Variants in TSHZ2 observed in about 807,000 individuals in gnomAD.
TSHZ2 encodes the protein teashirt zinc finger homeobox 2.
Under a neutral mutation model 74.4 loss-of-function variants are expected in TSHZ2, and 21 were observed. That is an observed-to-expected ratio of 0.28 (90% confidence interval 0.20 to 0.41). TSHZ2 has a LOEUF of 0.41. Ranked by LOEUF, TSHZ2 falls within the 10% of genes least tolerant of loss-of-function variation. The pLI, the probability that TSHZ2 is intolerant of heterozygous loss-of-function variation, is 1.00. For synonymous variants in TSHZ2, 540 were observed against 515.3 expected, an observed-to-expected ratio of 1.05 and a Z score of -0.65; for missense variants, 1,244 against 1,293.5, an observed-to-expected ratio of 0.96 and a Z score of 0.59.
intron 1 of TSHZ2, among the ~76,000 whole-genome samples, chr20:53,046,937 A>C (rs112034418): frequency 0.011 from 1,716 of 152,238 alleles, 40 homozygotes; most frequent in African/African-American, 0.039. Flanking sequence ...CTTATTAACC[A>C]TCCCTGTGTA....
At chr20:53,017,094 C>T (rs1983064063) in intron 1 of TSHZ2, among the ~76,000 whole-genome samples, 1 of 152,148 alleles carries the variant, frequency 6.6e-6, no homozygotes, top group Non-Finnish European at 1.5e-5. Flanking sequence ...TTCCTTTCCC[C>T]AACAATTGAC....
intron 2 of TSHZ2, among the ~76,000 whole-genome samples, chr20:53,363,229 T>C (rs1981133213): frequency 1.3e-5 from 2 of 152,230 alleles, no homozygotes. Context: ...TATCTTGCTA[T>C]ACCATCACCC....
intron 1 of TSHZ2, among the ~76,000 whole-genome samples, chr20:53,175,137 T>C (rs1415517511): frequency 4.6e-5 from 4 of 86,338 alleles, no homozygotes; most frequent in Admixed American, 2.1e-4. Context: ...CTTTCTTTTT[T>C]TTTTTTTTTT....
At chr20:53,428,018 C>T (rs1983717277) in intron 2 of TSHZ2, among the ~76,000 whole-genome samples, 1 of 152,190 alleles carries the variant, frequency 6.6e-6, no homozygotes. Context: ...ACACTCTGGA[C>T]TCTACTGATA....
chr20:53,118,880 G>A (rs1278698876), intron 1 of TSHZ2, among the ~76,000 whole-genome samples: 1 of 152,190 alleles, frequency 6.6e-6, no homozygotes, highest in African/African-American at 2.4e-5. Flanking sequence ...CATGATGCTG[G>A]CATCGGCTCA....
chr20:53,032,301 A>G (rs978439229), intron 1 of TSHZ2, among the ~76,000 whole-genome samples: 9 of 152,240 alleles, frequency 5.9e-5, no homozygotes, highest in Non-Finnish European at 8.8e-5. Flanking sequence ...ATTACGTTTG[A>G]ACTAATTTGA....
intron 1 of TSHZ2, among the ~76,000 whole-genome samples, chr20:53,250,473 T>G (rs1316667976): frequency 3.3e-5 from 5 of 152,158 alleles, no homozygotes. Context: ...AGATGTATAA[T>G]ATTGAAAGGT....
rs1986370529 is a variant in TSHZ2, at chr20:53,488,964, G to A, written c.*1829G>A. On this transcript the variant is annotated 3_prime_UTR_variant, in exon 3 of 3. Coordinates refer to ENST00000371497, the MANE Select transcript of TSHZ2 (RefSeq NM_173485.6). ...GAAAAAATATGGCGCTTCGGGGAAGGAGGGAAAAAGTAAATGAAGTTCCAG... is the reference window on the plus strand; with the variant it reads ...GAAAAAATATGGCGCTTCGGGGAAGAAGGGAAAAAGTAAATGAAGTTCCAG... 8.8e-6 allele frequency: 4 copies of A among 455,838 alleles called. No homozygotes were observed. Among genetic ancestry groups the A allele is most frequent in the Admixed American group, 4.7e-5 (2 of 42,552 alleles). 28.2% of individuals were successfully genotyped at this position (455,838 alleles called of 1,614,324 possible). A position where few individuals can be genotyped will look rare whatever the true frequency, so the allele number is the denominator to read the frequency against.
intron 2 of TSHZ2, among the ~76,000 whole-genome samples, chr20:53,319,972 T>C (rs894901061): frequency 6.6e-6 from 1 of 152,200 alleles, no homozygotes; most frequent in African/African-American, 2.4e-5. Flanking sequence ...GGTGCACTTC[T>C]AGCATTTGCT....
intron 2 of TSHZ2, among the ~76,000 whole-genome samples, chr20:53,403,673 G>A (rs935364669): frequency 1.6e-4 from 24 of 152,198 alleles, no homozygotes; most frequent in African/African-American, 5.3e-4. Context: ...ACACAGAAAC[G>A]CTTCCATCTC....
At chr20:53,316,523 G>C (rs1979028067) in intron 2 of TSHZ2, among the ~76,000 whole-genome samples, 1 of 151,244 alleles carries the variant, frequency 6.6e-6, no homozygotes, top group South Asian at 2.1e-4. Context: ...CTCGAAGACT[G>C]ATCAGGTTAC....
chr20:53,360,793 C>T (rs1981021843), intron 2 of TSHZ2, among the ~76,000 whole-genome samples: 1 of 152,180 alleles, frequency 6.6e-6, no homozygotes, highest in Non-Finnish European at 1.5e-5. Context: ...GTATCAAACC[C>T]AGGCAGTTTG....
chr20:53,079,747 C>A (rs989606607), intron 1 of TSHZ2, among the ~76,000 whole-genome samples: 1 of 152,118 alleles, frequency 6.6e-6, no homozygotes, highest in Admixed American at 6.5e-5. Flanking sequence ...CCACTCTATA[C>A]CCTTTATCTC....
intron 2 of TSHZ2, among the ~76,000 whole-genome samples, chr20:53,434,116 C>T (rs1217684592): frequency 6.6e-6 from 1 of 152,124 alleles, no homozygotes; most frequent in African/African-American, 2.4e-5. Context: ...GGTGATTTGC[C>T]TACTCGGCCT....
chr20:53,253,965 C>A lies in TSHZ2; in HGVS notation c.507C>A (p.His169Gln). ...GCAACAAGAGTGATTTTGATTGGCA[C>A]CAAGACGCTCTGTCCAAAAGCCTGC... is the stretch of plus-strand genomic sequence containing the variant. ...NGSNKSDFDW[H>Q]QDALSKSLQQ... Residue 169 changes from histidine (H) to glutamine (Q), a missense_variant, in exon 2 of 3, where the codon CAC (histidine) becomes CAA (glutamine). Around this residue, in one of 6 missense-constraint regions of TSHZ2, gnomAD observed 470 missense variants for 456.5 expected, o/e 1.03. Coordinates refer to ENST00000371497, the MANE Select transcript of TSHZ2 (RefSeq NM_173485.6). The A allele has an allele frequency of 6.2e-7, 1 of 1,614,164 alleles. No homozygotes were observed. The highest frequency in any genetic ancestry group is 8.5e-7 in the Non-Finnish European group (1 of 1,180,028).
At chr20:53,051,721 C>T (rs1984475016) in intron 1 of TSHZ2, among the ~76,000 whole-genome samples, 1 of 152,174 alleles carries the variant, frequency 6.6e-6, no homozygotes, top group Admixed American at 6.5e-5. Flanking sequence ...AATATGGGCT[C>T]CGACTGCACA....
intron 2 of TSHZ2, among the ~76,000 whole-genome samples, chr20:53,330,773 C>T (rs1407157225): frequency 1.3e-5 from 2 of 152,160 alleles, no homozygotes; most frequent in Non-Finnish European, 2.9e-5. Context: ...AAGTCTCAGC[C>T]CCTCCAAAGC....
intron 2 of TSHZ2, among the ~76,000 whole-genome samples, chr20:53,373,663 A>G (rs1415766656): frequency 2.6e-5 from 4 of 152,234 alleles, no homozygotes; most frequent in African/African-American, 4.8e-5. Context: ...TCAAGCCAAC[A>G]GGATTTTCTG....
intron 1 of TSHZ2, among the ~76,000 whole-genome samples, chr20:53,245,523 G>A (rs900729174): frequency 6.6e-5 from 10 of 152,198 alleles, no homozygotes; most frequent in Non-Finnish European, 1.3e-4. Flanking sequence ...GTGAACATAG[G>A]CATAGAGAAG....
Sources: gnomAD v4.1 joint callset for allele counts (sites outside exome capture counted in the v4.1 genomes callset) on GRCh38, gnomAD v4.1.1 for gene constraint, gnomAD v4.1.1 regional missense constraint, MANE v1.5 for transcripts, NCBI Gene and HGNC (gene_info 2026-07-23, HGNC 2026-07-21) for gene names.